UGT1A5: variants seen among roughly 807,000 people sequenced by gnomAD.
UGT1A5 encodes the protein UDP-glucuronosyltransferase 1A5.
In UGT1A5, 29 loss-of-function variants were observed where a neutral mutation model predicts 40.3. The ratio of observed to expected loss-of-function variants is 0.72; its 90% CI spans 0.54 to 0.98. The LOEUF is 0.98. Ranked by LOEUF, UGT1A5 falls within the 50% of genes least tolerant of loss-of-function variation. The probability of loss-of-function intolerance (pLI) is 0.00; values close to 1 mark genes in which losing one functional copy is unlikely to be tolerated. For missense variants in UGT1A5, 678 were observed against 677.9 expected, an observed-to-expected ratio of 1.00 and a Z score of 0.00; for synonymous variants, 257 against 262.5, an observed-to-expected ratio of 0.98 and a Z score of 0.20.
intron 1 of UGT1A5, among the ~76,000 whole-genome samples, chr2:233,727,195 C>T (rs2077591611): frequency 6.6e-6 from 1 of 152,150 alleles, no homozygotes; most frequent in Non-Finnish European, 1.5e-5. Flanking sequence ...GCTGGGGTGA[C>T]CTCACTGACA....
intron 1 of UGT1A5, chr2:233,741,493 A>C (rs1327060039): frequency 1.3e-5 from 2 of 151,862 alleles, no homozygotes; most frequent in Non-Finnish European, 2.9e-5. Context: ...ATGTACAAAA[A>C]ACTGAACTCA....
intron 1 of UGT1A5, among the ~76,000 whole-genome samples, chr2:233,757,777 G>A (rs1409053330): frequency 6.6e-6 from 1 of 151,782 alleles, no homozygotes; most frequent in African/African-American, 2.4e-5. Flanking sequence ...TAATAAGCCT[G>A]TCATTCTGAT....
intron 1 of UGT1A5, chr2:233,761,159 T>C: frequency 6.2e-7 from 1 of 1,614,228 alleles, no homozygotes; most frequent in Non-Finnish European, 8.5e-7. Flanking sequence ...CAGGTGTGTA[T>C]TGGAGTGGGA....
chr2:233,728,016 G>A (rs912712884), intron 1 of UGT1A5, among the ~76,000 whole-genome samples: 1 of 152,236 alleles, frequency 6.6e-6, no homozygotes, highest in African/African-American at 2.4e-5. Flanking sequence ...GCACATGTGG[G>A]AGTGACTTTC....
At position 233,772,892 on chromosome 2, in the gene UGT1A5, T is replaced by A; in HGVS notation, c.*333T>A. On this transcript the variant is annotated 3_prime_UTR_variant, in exon 5 of 5. Coordinates refer to ENST00000373414, the MANE Select transcript of UGT1A5 (RefSeq NM_019078.2). The stretch of plus-strand genomic sequence containing the variant: ...TTGGGAGTGCGGGATTCAAAGGTGG[T>A]CCCACGGCTGCCCCTACTGCAAATG... 1 of 501,562 alleles carries A rather than the reference T, an allele frequency of 2.0e-6. No homozygotes were observed. Among genetic ancestry groups the A allele is most frequent in the Non-Finnish European group, 3.2e-6 (1 of 310,918 alleles). 31.1% of individuals were successfully genotyped at this position (501,562 alleles called of 1,614,324 possible).
At chr2:233,768,463 T>C (rs372004705) in intron 4 of UGT1A5, 24 bp downstream of exon 4, 2 of 1,607,816 alleles carry the variant, frequency 1.2e-6, no homozygotes, top group African/African-American at 2.7e-5. Flanking sequence ...TACAGAAGAA[T>C]ACTTTGGTCA....
intron 1 of UGT1A5, chr2:233,721,879 C>T (rs2076978757): frequency 2.0e-6 from 1 of 493,898 alleles, no homozygotes; most frequent in South Asian, 1.5e-5. Flanking sequence ...ACTTGCCAGC[C>T]CCTCCATTGC....
At chr2:233,735,659 T>C (rs1049518793) in intron 1 of UGT1A5, among the ~76,000 whole-genome samples, 2 of 152,208 alleles carry the variant, frequency 1.3e-5, no homozygotes, top group African/African-American at 2.4e-5. Context: ...TGGTGTTTCT[T>C]TCCATGTTTA....
chr2:233,762,899 T>C (rs1698190736), intron 1 of UGT1A5, among the ~76,000 whole-genome samples: 1 of 152,218 alleles, frequency 6.6e-6, no homozygotes, highest in Non-Finnish European at 1.5e-5. Context: ...ATGCCAAATA[T>C]CAGGGCTATT....
At chr2:233,757,045 G>A (rs1250213092) in intron 1 of UGT1A5, among the ~76,000 whole-genome samples, 2 of 151,734 alleles carry the variant, frequency 1.3e-5, no homozygotes, top group Non-Finnish European at 2.9e-5. Flanking sequence ...ATCAAAGGAA[G>A]TTTGGGGAAC....
Position 233,768,319 on chromosome 2 carries a change from G to C in UGT1A5, c.1187G>C (p.Gly396Ala), listed in dbSNP as rs367897068. The C allele has an allele frequency of 1.4e-5, 23 of 1,614,162 alleles. No individual in the cohort carries two copies. In the South Asian group the frequency reaches 2.2e-4, roughly 15 times the overall value. ...CCCATGGTGATGATGCCCTTGTTTG[G>C]TGATCAGATGGACAATGCAAAGCGC... is the stretch of plus-strand genomic sequence containing the variant. ...GVPMVMMPLF[G>A]DQMDNAKRME... The change falls in exon 4 of 5, where the codon GGT (glycine) becomes GCT (alanine). Residue 396 changes from glycine to alanine, a missense_variant. Transcript: ENST00000373414.
At chr2:233,770,350 T>C (rs1700063045) in intron 4 of UGT1A5, 1 of 152,104 alleles carries the variant, frequency 6.6e-6, no homozygotes, top group Non-Finnish European at 1.5e-5. Flanking sequence ...CAATTACTAT[T>C]GAATGAATGA....
At chr2:233,746,132 G>A (rs998349575) in intron 1 of UGT1A5, among the ~76,000 whole-genome samples, 1 of 151,792 alleles carries the variant, frequency 6.6e-6, no homozygotes, top group African/African-American at 2.4e-5. Flanking sequence ...CTGTGGACTG[G>A]CACCTGAGTG....
chr2:233,738,711 A>G (rs1264212613), intron 1 of UGT1A5, among the ~76,000 whole-genome samples: 1 of 152,268 alleles, frequency 6.6e-6, no homozygotes, highest in Non-Finnish European at 1.5e-5. Context: ...GAAGCAGAGC[A>G]TAAAAGTTTG....
chr2:233,770,228 A>T (rs1355142630), intron 4 of UGT1A5: 1 of 152,236 alleles, frequency 6.6e-6, no homozygotes, highest in Non-Finnish European at 1.5e-5. Context: ...TCTGATTGTG[A>T]ATCTCCATGA....
chr2:233,753,329 G>A (rs1695182951), intron 1 of UGT1A5: 1 of 152,070 alleles, frequency 6.6e-6, no homozygotes, highest in Non-Finnish European at 1.5e-5. Context: ...GGTGCCAGCT[G>A]ACTGCCATTT....
intron 1 of UGT1A5, among the ~76,000 whole-genome samples, chr2:233,757,621 A>T (rs1696682030): frequency 6.7e-6 from 1 of 149,382 alleles, no homozygotes; most frequent in Non-Finnish European, 1.5e-5. Flanking sequence ...GCTAAAAGAT[A>T]CAAGGCAGAA....
At chr2:233,726,846 T>A (rs970892928) in intron 1 of UGT1A5, among the ~76,000 whole-genome samples, 3 of 152,320 alleles carry the variant, frequency 2.0e-5, no homozygotes, top group Admixed American at 6.5e-5. Flanking sequence ...TTTTTGTTCC[T>A]TTTCTCCATA....
chr2:233,735,275 T>G (rs968370538), intron 1 of UGT1A5, among the ~76,000 whole-genome samples: 2 of 152,218 alleles, frequency 1.3e-5, no homozygotes, highest in Non-Finnish European at 2.9e-5. Context: ...GTAATGGCCT[T>G]CTTTGTCTCT....
Sources: allele counts gnomAD v4.1 joint callset (sites outside exome capture counted in the v4.1 genomes callset), GRCh38; gene constraint gnomAD v4.1.1; transcripts MANE v1.5; gene names NCBI Gene and HGNC (gene_info 2026-07-23, HGNC 2026-07-21).